Variants in LIMS4 observed in about 807,000 individuals in gnomAD.
The protein encoded by LIMS4 is LIM and senescent cell antigen-like-containing domain protein 4.
the LIMS4 span, among the ~76,000 whole-genome samples, chr2:110,365,862 C>A: frequency 6.8e-6 from 1 of 146,326 alleles, no homozygotes. Flanking sequence ...AATGACCCTA[C>A]AGAAATACAA....
the LIMS4 span, among the ~76,000 whole-genome samples, chr2:110,423,027 C>T: frequency 6.7e-6 from 1 of 148,672 alleles, no homozygotes; most frequent in East Asian, 1.9e-4. Context: ...GAAGTCCTGC[C>T]TCCCTCTCCA....
chr2:110,382,102 T>A, the LIMS4 span, among the ~76,000 whole-genome samples: 1,295 of 16,042 alleles, frequency 0.081, 44 homozygotes, highest in East Asian at 0.13. Context: ...AAAAAAAATA[T>A]ATATATATAT....
chr2:110,386,620 G>T, the LIMS4 span: 1 of 650,664 alleles, frequency 1.5e-6, no homozygotes, highest in Non-Finnish European at 2.7e-6. Context: ...CGCACCCTGG[G>T]CCAGTGCTGC....
the LIMS4 span, among the ~76,000 whole-genome samples, chr2:110,368,049 CATAAT>C: frequency 2.0e-3 from 283 of 143,412 alleles, no homozygotes; most frequent in Middle Eastern, 3.5e-3. Context: ...TATACATAAA[CATAAT>C]ATATATAGTA....
At chr2:110,392,012 A>G in the LIMS4 span, among the ~76,000 whole-genome samples, 2 of 150,882 alleles carry the variant, frequency 1.3e-5, no homozygotes, top group East Asian at 3.9e-4. Context: ...CTTATCAGAT[A>G]AATTTGGGAT....
chr2:110,372,797 C>T, the LIMS4 span, among the ~76,000 whole-genome samples: 23 of 148,250 alleles, frequency 1.6e-4, 1 homozygote, highest in Non-Finnish European at 2.4e-4. Flanking sequence ...TGAGCCACCG[C>T]GTCCAGCCTG....
At chr2:110,409,822 TA>T in the LIMS4 span, among the ~76,000 whole-genome samples, 4 of 73,542 alleles carry the variant, frequency 5.4e-5, 1 homozygote, top group East Asian at 1.7e-3. Flanking sequence ...ACACAAAGAC[TA>T]GTACATCCAC....
chr2:110,382,099 ATATATATATATATATAT>A, the LIMS4 span, among the ~76,000 whole-genome samples: 2 of 12,468 alleles, frequency 1.6e-4, no homozygotes, highest in African/African-American at 4.0e-4. Context: ...AAAAAAAAAA[ATATATATATATATATAT>A]ATATATATAT....
At chr2:110,368,012 A>G in the LIMS4 span, among the ~76,000 whole-genome samples, 1 of 145,708 alleles carries the variant, frequency 6.9e-6, no homozygotes, top group Non-Finnish European at 1.5e-5. Flanking sequence ...ATTCTTGAAA[A>G]AAAGAACTAC....
At chr2:110,378,986 A>G in the LIMS4 span, among the ~76,000 whole-genome samples, 1 of 148,200 alleles carries the variant, frequency 6.7e-6, no homozygotes, top group South Asian at 2.1e-4. Flanking sequence ...ACACACACAC[A>G]CACACACACA....
the LIMS4 span, among the ~76,000 whole-genome samples, chr2:110,419,673 A>G: frequency 7.0e-4 from 31 of 44,268 alleles, 6 homozygotes; most frequent in East Asian, 0.01. Context: ...AAAAAAAAAA[A>G]AAAAGAAAAA....
At chr2:110,424,684 C>T in the LIMS4 span, among the ~76,000 whole-genome samples, 2 of 144,150 alleles carry the variant, frequency 1.4e-5, 1 homozygote, top group Non-Finnish European at 3.0e-5. Context: ...CCTGTAATCC[C>T]AGCATTCTGG....
At chr2:110,385,505 T>G in the LIMS4 span, among the ~76,000 whole-genome samples, 2 of 125,528 alleles carry the variant, frequency 1.6e-5, no homozygotes, top group African/African-American at 3.8e-5. Flanking sequence ...CAACTTCTGG[T>G]GGGCCCAAAA....
At chr2:110,424,987 C>T in the LIMS4 span, among the ~76,000 whole-genome samples, 2 of 144,030 alleles carry the variant, frequency 1.4e-5, 1 homozygote, top group African/African-American at 5.7e-5. Context: ...CAGCCGGCAG[C>T]GACAACTGCT....
At chr2:110,366,653 A>T in the LIMS4 span, among the ~76,000 whole-genome samples, 1 of 152,118 alleles carries the variant, frequency 6.6e-6, no homozygotes, top group Non-Finnish European at 1.5e-5. Flanking sequence ...ACCCACTCCC[A>T]TCACTCCTAT....
chr2:110,411,410 T>C, the LIMS4 span, among the ~76,000 whole-genome samples: 1 of 137,800 alleles, frequency 7.3e-6, no homozygotes, highest in African/African-American at 2.9e-5. Flanking sequence ...TTTAAGAAAA[T>C]TCCATTAAGC....
chr2:110,425,161 A>G, the LIMS4 span, among the ~76,000 whole-genome samples: 3 of 143,728 alleles, frequency 2.1e-5, 1 homozygote, highest in African/African-American at 8.6e-5. Flanking sequence ...AACTCCAGAC[A>G]CAAGAGGATT....
the LIMS4 span, among the ~76,000 whole-genome samples, chr2:110,390,158 G>T: frequency 7.7e-6 from 1 of 130,030 alleles, no homozygotes; most frequent in Non-Finnish European, 1.6e-5. Flanking sequence ...CTCCATAGGT[G>T]ACCCACTGTG....
At chr2:110,402,397 AAGACAGTTTT>A in the LIMS4 span, among the ~76,000 whole-genome samples, 6 of 141,170 alleles carry the variant, frequency 4.3e-5, no homozygotes, top group Non-Finnish European at 9.3e-5. Context: ...GCCTTCCAGA[AAGACAGTTTT>A]ATTCCTCTCT....
Sources: allele counts gnomAD v4.1 joint callset (sites outside exome capture counted in the v4.1 genomes callset), GRCh38; gene constraint gnomAD v4.1.1; transcripts MANE v1.5; gene names NCBI Gene and HGNC (gene_info 2026-07-23, HGNC 2026-07-21).